The following SCLT1 variants were observed in gnomAD, a reference collection of about 807,000 sequenced individuals.
SCLT1 encodes sodium channel and clathrin linker 1, also known as sodium channel-associated protein 1.
Under a neutral mutation model 112.8 loss-of-function variants are expected in SCLT1, and 78 were observed. The observed-to-expected ratio is 0.69, with a 90% CI of 0.58 to 0.83. The LOEUF (loss-of-function observed/expected upper bound fraction) is 0.83, where lower values mean the gene tolerates loss of function less well. Ranked by LOEUF, SCLT1 falls within the 40% of genes least tolerant of loss-of-function variation. SCLT1 has a pLI of 0.00. For synonymous variants in SCLT1, 257 were observed against 254.7 expected (o/e 1.01, Z -0.09); for missense variants, 747 against 770.4 (o/e 0.97, Z 0.36).
intron 9 of SCLT1, among the ~76,000 whole-genome samples, chr4:128,979,874 T>A (rs2126049202): frequency 6.6e-6 from 1 of 152,346 alleles, no homozygotes; most frequent in South Asian, 2.1e-4. Flanking sequence ...TAATTAACTG[T>A]GGCTAAGGTT....
chr4:128,982,043 A>G (rs777230422), intron 9 of SCLT1, among the ~76,000 whole-genome samples: 11 of 152,230 alleles, frequency 7.2e-5, no homozygotes, highest in Non-Finnish European at 1.5e-4. Flanking sequence ...GAAAGATCAG[A>G]GAGACATTTA....
chr4:129,071,070 T>A (rs1750961613), intron 2 of SCLT1, among the ~76,000 whole-genome samples: 1 of 152,198 alleles, frequency 6.6e-6, no homozygotes, highest in African/African-American at 2.4e-5. Flanking sequence ...TTAATTTCCA[T>A]GTATTTGCAT....
chr4:128,961,941 A>G (rs1739773762), intron 11 of SCLT1, among the ~76,000 whole-genome samples: 2 of 152,192 alleles, frequency 1.3e-5, no homozygotes, highest in Non-Finnish European at 2.9e-5. Context: ...TTTGTTGGCT[A>G]TCGTTGTTAA....
rs753882949 is a variant in SCLT1, at chr4:128,953,685, G to A, written c.1147-845C>T. Among the ~76,000 whole-genome samples, 41 of 151,468 alleles carry A rather than the reference G, an allele frequency of 2.7e-4. No individual in the cohort carries two copies. The South Asian group carries it at 3.1e-3, about 12-fold the overall frequency. On this transcript the variant is annotated intron_variant, in intron 13 of 20. Transcript: ENST00000281142. The stretch of plus-strand genomic sequence containing the variant: ...ATGGTGGCAGGCACCTGTAGTCCCA[G>A]CTACTCGGGAGGCTATGGCAGGAGA...
At chr4:128,948,334 G>GAAAAAAAAA (rs1560878744) in intron 15 of SCLT1, among the ~76,000 whole-genome samples, 162 bp downstream of exon 15, 1 of 35,830 alleles carries the variant, frequency 2.8e-5, no homozygotes, top group Non-Finnish European at 4.5e-5. Flanking sequence ...AGACTCCATT[G>GAAAAAAAAA]CAAAAAAAAA....
chr4:128,966,473 A>G (rs1740203651), intron 10 of SCLT1, among the ~76,000 whole-genome samples: 1 of 152,188 alleles, frequency 6.6e-6, no homozygotes. Flanking sequence ...TTGTTGTCAT[A>G]TATTACATCT....
chr4:128,884,338 C>A lies in SCLT1; in HGVS notation c.*139G>T. 2 of 572,748 alleles carry A rather than the reference C, an allele frequency of 3.5e-6. No individual in the cohort carries two copies. The highest frequency in any genetic ancestry group is 3.1e-6 in the Non-Finnish European group (1 of 324,818). 35.5% of individuals were successfully genotyped at this position (572,748 alleles called of 1,614,324 possible). A position where few individuals can be genotyped will look rare whatever the true frequency, so the allele number is the denominator to read the frequency against. The stretch of plus-strand genomic sequence containing the variant: ...GGTCACTGCTCTGTTTTCCAATAAC[C>A]CTCAAAACAGAACAACAATGCTTAC... On this transcript the variant is annotated 3_prime_UTR_variant, in exon 21 of 21. Transcript: ENST00000281142.
rs1737224394 is a variant in SCLT1, at chr4:128,936,783, T to G, written c.1701A>C (p.Glu567Asp). ...RGFEVQLREM[E>D]DSNRNSIVEL... ...CAACAATGGAATTTCTATTACTGTC[T>G]TCCATCTCTCTCAATTGAACTTCAA... Residue 567 changes from glutamate to aspartate, a missense_variant, in exon 18 of 21, where the codon GAA becomes GAC. By Grantham distance (45) the Glu-to-Asp change is conservative. Coordinates refer to ENST00000281142, the MANE Select transcript of SCLT1 (RefSeq NM_144643.4). 6.2e-7 allele frequency: 1 copy of G among 1,608,834 alleles called. No individual in the cohort carries two copies. Among genetic ancestry groups the G allele is most frequent in the East Asian group, 2.2e-5 (1 of 44,816 alleles).
At chr4:128,993,278 G>A (rs1742730721) in intron 8 of SCLT1, among the ~76,000 whole-genome samples, 1 of 151,916 alleles carries the variant, frequency 6.6e-6, no homozygotes, top group African/African-American at 2.4e-5. Context: ...TTAAAGTGTA[G>A]GTATTCCTGA....
chr4:128,960,926 CAA>C (rs34599122), intron 11 of SCLT1, among the ~76,000 whole-genome samples: 2 of 52,488 alleles, frequency 3.8e-5, no homozygotes, highest in Admixed American at 2.8e-4. Flanking sequence ...GACTCCGTCT[CAA>C]AAAAAAAAAA....
chr4:129,085,392 A>T (rs1053780386), intron 1 of SCLT1, among the ~76,000 whole-genome samples: 1 of 152,222 alleles, frequency 6.6e-6, no homozygotes, highest in Non-Finnish European at 1.5e-5. Context: ...GTGGAGAAAA[A>T]GGAACATTTA....
At chr4:128,991,939 A>C (rs539555252) in intron 9 of SCLT1, among the ~76,000 whole-genome samples, 1 of 151,950 alleles carries the variant, frequency 6.6e-6, no homozygotes, top group South Asian at 2.1e-4. Context: ...TATATAAAGG[A>C]CTTGAACATC....
intron 5 of SCLT1, among the ~76,000 whole-genome samples, chr4:129,027,863 G>A (rs1256440756): frequency 6.6e-6 from 1 of 152,146 alleles, no homozygotes; most frequent in Non-Finnish European, 1.5e-5. Flanking sequence ...AAAATCACAA[G>A]TATTCTTATA....
Position 129,032,643 on chromosome 4 carries a change from G to GA in SCLT1, c.290+6397dup, listed in dbSNP as rs1008085148. Among the ~76,000 whole-genome samples, 716 of 149,602 alleles carry GA rather than the reference G, an allele frequency of 4.8e-3. 3 individuals are homozygous for GA. The highest frequency in any genetic ancestry group is 0.016 in the African/African-American group (647 of 40,778). ...GCAAGGAACTTAAACAAATTTACAA[G>GA]AAAAAAAAACCCCATCAAAAAGTGG... On this transcript the variant is annotated intron_variant, in intron 5 of 20. Coordinates refer to ENST00000281142, the MANE Select transcript of SCLT1 (RefSeq NM_144643.4).
At chr4:128,997,378 C>T (rs1743100576) in intron 8 of SCLT1, 1 of 151,656 alleles carries the variant, frequency 6.6e-6, no homozygotes, top group Non-Finnish European at 1.5e-5. Context: ...GTAAAGAAAA[C>T]AAAAGTGAGA....
chr4:128,953,819 C>CAA (rs150640505), intron 13 of SCLT1, among the ~76,000 whole-genome samples: 25 of 144,524 alleles, frequency 1.7e-4, no homozygotes, highest in Middle Eastern at 3.6e-3. Context: ...AACAAAAAAA[C>CAA]AAAAAAAAAA....
intron 5 of SCLT1, among the ~76,000 whole-genome samples, chr4:129,007,310 G>A (rs1305640497): frequency 2.0e-5 from 3 of 151,190 alleles, no homozygotes; most frequent in Admixed American, 2.0e-4. Context: ...TTTTTTTCTG[G>A]TTGCTATTTT....
At chr4:128,914,642 G>T (rs762329537) in intron 18 of SCLT1, among the ~76,000 whole-genome samples, 2 of 151,996 alleles carry the variant, frequency 1.3e-5, no homozygotes, top group Non-Finnish European at 2.9e-5. Flanking sequence ...AGAAAGAAGA[G>T]AAATAATCAA....
chr4:129,065,733 C>G (rs1056145934), intron 2 of SCLT1, among the ~76,000 whole-genome samples: 1 of 152,000 alleles, frequency 6.6e-6, no homozygotes, highest in Admixed American at 6.6e-5. Flanking sequence ...GTAAAAGGCT[C>G]AAAGCACCAA....
Sources: allele counts gnomAD v4.1 joint callset (sites outside exome capture counted in the v4.1 genomes callset), GRCh38; gene constraint gnomAD v4.1.1; transcripts MANE v1.5; gene names NCBI Gene and HGNC (gene_info 2026-07-23, HGNC 2026-07-21).